Variants in TMEM135 observed in about 807,000 individuals in gnomAD.
The protein encoded by TMEM135 is peroxisomal membrane protein 52.
A neutral mutation model predicts 60.3 loss-of-function variants in TMEM135; 30 were observed. The observed-to-expected ratio is 0.50, with a 90% CI of 0.37 to 0.68. The LOEUF is 0.68. Among genes scored for constraint, TMEM135 ranks in the 30% least tolerant of loss-of-function variants. The probability of loss-of-function intolerance (pLI) is 0.00; values close to 1 mark genes in which losing one functional copy is unlikely to be tolerated. For missense variants in TMEM135, 468 were observed against 548.8 expected, an observed-to-expected ratio of 0.85 and a Z score of 1.47; for synonymous variants, 190 against 186.7, an observed-to-expected ratio of 1.02 and a Z score of -0.14.
rs1333121461 is a variant in TMEM135, at chr11:87,328,129, C to A, written c.*6796C>A. The stretch of plus-strand genomic sequence containing the variant: ...TTTATGGCTCTATTACCCAAGAATT[C>A]TGTTACTTTCAGCTGAAAACATTTC... On this transcript the variant is annotated 3_prime_UTR_variant, in exon 15 of 15. Transcript: ENST00000305494. 2.2e-6 allele frequency: 1 copy of A among 454,062 alleles called. No homozygotes were observed. Among genetic ancestry groups the A allele is most frequent in the South Asian group, 1.6e-5 (1 of 64,466 alleles). 28.1% of individuals were successfully genotyped at this position (454,062 alleles called of 1,614,324 possible). A position where few individuals can be genotyped will look rare whatever the true frequency, so the allele number is the denominator to read the frequency against.
At chr11:87,054,657 T>G (rs1004458090) in intron 1 of TMEM135, among the ~76,000 whole-genome samples, 1 of 152,204 alleles carries the variant, frequency 6.6e-6, no homozygotes, top group African/African-American at 2.4e-5. Flanking sequence ...GATTCTTACT[T>G]GATCTTGGGG....
At chr11:87,286,960 A>T (rs1343732816) in intron 6 of TMEM135, among the ~76,000 whole-genome samples, 3 of 152,200 alleles carry the variant, frequency 2.0e-5, no homozygotes, top group Non-Finnish European at 4.4e-5. Flanking sequence ...TAATTTTGAT[A>T]CTGAGTGACT....
At chr11:87,268,148 T>C (rs1941787410) in intron 6 of TMEM135, among the ~76,000 whole-genome samples, 1 of 88,844 alleles carries the variant, frequency 1.1e-5, no homozygotes, top group Non-Finnish European at 2.9e-5. Context: ...CCCTCTCCTT[T>C]CCTTTATTTC....
intron 4 of TMEM135, among the ~76,000 whole-genome samples, chr11:87,122,175 A>G (rs1343310897): frequency 6.6e-6 from 1 of 152,106 alleles, no homozygotes; most frequent in Non-Finnish European, 1.5e-5. Flanking sequence ...CATTATACAT[A>G]TTAAAGCAAA....
chr11:87,076,361 A>T (rs973911384), intron 3 of TMEM135, among the ~76,000 whole-genome samples: 1 of 152,088 alleles, frequency 6.6e-6, no homozygotes, highest in East Asian at 1.9e-4. Context: ...GCTGATGTTC[A>T]CTTAAATACC....
intron 4 of TMEM135, chr11:87,121,712 C>G (rs1937599550): frequency 7.0e-6 from 1 of 142,244 alleles, no homozygotes; most frequent in Non-Finnish European, 1.5e-5. Context: ...GCAATCTTGG[C>G]TCACTGCAAC....
intron 1 of TMEM135, among the ~76,000 whole-genome samples, chr11:87,053,318 T>G (rs1360625852): frequency 6.8e-5 from 10 of 147,336 alleles, no homozygotes; most frequent in Non-Finnish European, 1.5e-5. Context: ...TGGATACTTT[T>G]TTTATTGATT....
rs1032228516 is a variant in TMEM135 at position 87,324,639 on chromosome 11, C to T, written c.*3306C>T. The T allele has an allele frequency of 6.7e-6, 3 of 448,056 alleles. No individual in the cohort carries two copies. Among genetic ancestry groups the T allele is most frequent in the Admixed American group, 4.8e-5 (2 of 41,356 alleles). 27.8% of individuals were successfully genotyped at this position (448,056 alleles called of 1,614,324 possible). A position where few individuals can be genotyped will look rare whatever the true frequency, so the allele number is the denominator to read the frequency against. ...AGAAACAAGGTGTTGCTATGTTGTC[C>T]AGGCTGGTCTTAAACTCCTGGCCTC... On this transcript the variant is annotated 3_prime_UTR_variant, in exon 15 of 15. Coordinates refer to ENST00000305494, the MANE Select transcript of TMEM135 (RefSeq NM_022918.4).
chr11:87,239,953 A>G (rs1318036278), intron 6 of TMEM135, among the ~76,000 whole-genome samples: 4 of 152,122 alleles, frequency 2.6e-5, no homozygotes, highest in Admixed American at 2.6e-4. Flanking sequence ...TATTTTACAT[A>G]TATTATCTCA....
At chr11:87,063,541 C>T (rs113244005) in intron 1 of TMEM135, among the ~76,000 whole-genome samples, 12 of 152,328 alleles carry the variant, frequency 7.9e-5, no homozygotes, top group African/African-American at 2.9e-4. Context: ...TAGATTAGTG[C>T]TTCCTAACCT....
At chr11:87,222,095 T>G (rs1940632745) in intron 5 of TMEM135, among the ~76,000 whole-genome samples, 1 of 135,566 alleles carries the variant, frequency 7.4e-6, no homozygotes, top group Non-Finnish European at 1.5e-5. Context: ...GGCAGGAGAA[T>G]GGCGTGAACC....
chr11:87,291,883 C>T (rs1280113017), intron 6 of TMEM135, among the ~76,000 whole-genome samples: 9 of 152,130 alleles, frequency 5.9e-5, no homozygotes, highest in Non-Finnish European at 1.3e-4. Flanking sequence ...TCTTGCCACT[C>T]CTCTGATGAG....
chr11:87,167,985 G>C (rs1939110901), intron 5 of TMEM135, among the ~76,000 whole-genome samples: 1 of 152,144 alleles, frequency 6.6e-6, no homozygotes, highest in Admixed American at 6.6e-5. Context: ...CTCAATTTCA[G>C]AACTTGTTAT....
intron 1 of TMEM135, among the ~76,000 whole-genome samples, chr11:87,057,275 G>T (rs1028444118): frequency 2.0e-5 from 3 of 152,152 alleles, no homozygotes; most frequent in Admixed American, 1.3e-4. Flanking sequence ...AGGTATGTAA[G>T]GCTTAATGGT....
rs115981054 is a variant in TMEM135 at position 87,098,037 on chromosome 11, C to T, written c.396+6642C>T. On this transcript the variant is annotated intron_variant, in intron 4 of 14. Coordinates refer to ENST00000305494, the MANE Select transcript of TMEM135 (RefSeq NM_022918.4). ...GAGTTTTTGTGTGTTTTATACATTG[C>T]TGTATTAAGCCTAGAACAGTACCTA... 5.3e-3 allele frequency among the ~76,000 whole-genome samples: 812 copies of T among 152,138 alleles called. 8 individuals carry two copies. The highest frequency in any genetic ancestry group is 0.018 in the African/African-American group (744 of 41,508).
chr11:87,055,209 A>G lies in TMEM135; in HGVS notation c.142-12485A>G, dbSNP rs192361253. On this transcript the variant is annotated intron_variant, in intron 1 of 14. Coordinates refer to ENST00000305494, the MANE Select transcript of TMEM135 (RefSeq NM_022918.4). Reference sequence around the variant, plus strand: ...GATTATATGAATATATATGAAATGCACATATATTAGGTTTAACATTTATGG... The same window carrying G: ...GATTATATGAATATATATGAAATGCGCATATATTAGGTTTAACATTTATGG... Among the ~76,000 whole-genome samples, 387 of 152,318 alleles carry G rather than the reference A, an allele frequency of 2.5e-3. 2 individuals are homozygous for G. Among genetic ancestry groups the G allele is most frequent in the African/African-American group, 8.9e-3 (369 of 41,566 alleles).
At chr11:87,154,474 A>G (rs1938639510) in intron 4 of TMEM135, among the ~76,000 whole-genome samples, 1 of 152,332 alleles carries the variant, frequency 6.6e-6, no homozygotes, top group Admixed American at 6.5e-5. Flanking sequence ...TACATTCAGT[A>G]GTTATGGATA....
rs1288496097 is a variant in TMEM135 at position 87,318,250 on chromosome 11, T to C, written c.1176+15T>C. 5 of 1,553,760 alleles carry C rather than the reference T, an allele frequency of 3.2e-6. No individual in the cohort carries two copies. In the South Asian group the frequency reaches 3.3e-5, roughly 10 times the overall value. ...GCTTCCAGGCAGTAAGTATAACTTT[T>C]TGAAATGAGAAATTGAATGATTCCT... On this transcript the variant is annotated intron_variant, in intron 13 of 14. Coordinates refer to ENST00000305494, the MANE Select transcript of TMEM135 (RefSeq NM_022918.4).
At chr11:87,088,825 T>G (rs937468184) in intron 3 of TMEM135, among the ~76,000 whole-genome samples, 1 of 152,146 alleles carries the variant, frequency 6.6e-6, no homozygotes, top group Admixed American at 6.6e-5. Context: ...ATGTCCAGGG[T>G]AGCTCCAGTC....
Sources: gnomAD v4.1 joint callset for allele counts (sites outside exome capture counted in the v4.1 genomes callset) on GRCh38, gnomAD v4.1.1 for gene constraint, MANE v1.5 for transcripts, NCBI Gene and HGNC (gene_info 2026-07-23, HGNC 2026-07-21) for gene names.